The following PTPRG variants were observed in gnomAD, a reference collection of about 807,000 sequenced individuals.
PTPRG encodes the protein protein tyrosine phosphatase receptor type G.
In PTPRG, 102 loss-of-function variants were observed where a neutral mutation model predicts 165.3. The observed-to-expected ratio is 0.62, with a 90% CI of 0.53 to 0.73. The LOEUF (loss-of-function observed/expected upper bound fraction) is 0.73, where lower values mean the gene tolerates loss of function less well. PTPRG is among the 30% of genes least tolerant of loss of function. The pLI, the probability that PTPRG is intolerant of heterozygous loss-of-function variation, is 0.00. For missense variants in PTPRG, 1,866 were observed against 1,861.4 expected (o/e 1.00, Z -0.05); for synonymous variants, 675 against 669.5 (o/e 1.01, Z -0.13).
intron 8 of PTPRG, among the ~76,000 whole-genome samples, chr3:62,177,894 T>C (rs1197942059): frequency 6.6e-6 from 1 of 152,196 alleles, no homozygotes; most frequent in Non-Finnish European, 1.5e-5. Context: ...TTATGCGATA[T>C]GTGATTTTTC....
chr3:61,566,770 G>A (rs986207765), intron 1 of PTPRG, among the ~76,000 whole-genome samples: 1 of 152,198 alleles, frequency 6.6e-6, no homozygotes, highest in Non-Finnish European at 1.5e-5. Flanking sequence ...GCCTCCCAGA[G>A]TGCTGGGATT....
At chr3:61,751,995 GA>G (rs917026267) in intron 2 of PTPRG, among the ~76,000 whole-genome samples, 28 of 143,476 alleles carry the variant, frequency 2.0e-4, no homozygotes, top group Admixed American at 2.1e-4. Context: ...CTCTGTCTCA[GA>G]AAAAAAAAAA....
Position 62,267,504 on chromosome 3 carries a change from C to T in PTPRG, c.2739+12C>T, listed in dbSNP as rs1414611577. 6.3e-7 allele frequency: 1 copy of T among 1,594,102 alleles called. No individual in the cohort carries two copies. The highest frequency in any genetic ancestry group is 1.7e-5 in the Admixed American group (1 of 58,180). ...CAAACTATGTTGATGTAAGTCAGAA[C>T]TGTTATTATAAACCTGTTTCTAGAA... On this transcript the variant is annotated intron_variant, in intron 18 of 29. Transcript: ENST00000474889.
At chr3:61,618,213 A>G (rs1323807084) in intron 1 of PTPRG, among the ~76,000 whole-genome samples, 4 of 152,170 alleles carry the variant, frequency 2.6e-5, no homozygotes, top group African/African-American at 7.2e-5. Flanking sequence ...ATCCATTTGT[A>G]TTTCTGGCAA....
At chr3:61,652,351 T>C (rs1481831110) in intron 1 of PTPRG, among the ~76,000 whole-genome samples, 1 of 152,112 alleles carries the variant, frequency 6.6e-6, no homozygotes, top group Non-Finnish European at 1.5e-5. Context: ...TAAATAGTGC[T>C]CTATTCCTCA....
chr3:62,127,138 C>A (rs1328206902), intron 5 of PTPRG, among the ~76,000 whole-genome samples: 4 of 152,144 alleles, frequency 2.6e-5, no homozygotes, highest in Non-Finnish European at 5.9e-5. Flanking sequence ...TAAATTATTG[C>A]CAAGTGTTTA....
intron 1 of PTPRG, among the ~76,000 whole-genome samples, chr3:61,685,125 A>T (rs915301756): frequency 6.6e-6 from 1 of 152,142 alleles, no homozygotes; most frequent in Non-Finnish European, 1.5e-5. Flanking sequence ...TCTGGTGGTT[A>T]TGAGGATTAA....
intron 2 of PTPRG, among the ~76,000 whole-genome samples, chr3:61,862,145 C>T (rs1008281433): frequency 6.6e-5 from 10 of 152,118 alleles, no homozygotes; most frequent in African/African-American, 2.4e-4. Flanking sequence ...AGCGCGAACC[C>T]TGTTGTGAAC....
At chr3:62,145,310 C>T (rs1032350515) in intron 6 of PTPRG, among the ~76,000 whole-genome samples, 2 of 152,142 alleles carry the variant, frequency 1.3e-5, no homozygotes, top group Non-Finnish European at 1.5e-5. Context: ...CTGTACATAA[C>T]TGTGCCTGGC....
intron 1 of PTPRG, among the ~76,000 whole-genome samples, chr3:61,638,846 T>C (rs1701990659): frequency 6.6e-6 from 1 of 152,172 alleles, no homozygotes; most frequent in Non-Finnish European, 1.5e-5. Context: ...GCAAATATTG[T>C]CTCCCATTCT....
chr3:61,650,177 A>G (rs2106980229), intron 1 of PTPRG, among the ~76,000 whole-genome samples: 1 of 152,332 alleles, frequency 6.6e-6, no homozygotes, highest in African/African-American at 2.4e-5. Flanking sequence ...TGTGAAAACC[A>G]GAGCTGTACA....
At chr3:61,671,184 C>A (rs1450083111) in intron 1 of PTPRG, among the ~76,000 whole-genome samples, 5 of 142,894 alleles carry the variant, frequency 3.5e-5, no homozygotes, top group Non-Finnish European at 7.5e-5. Context: ...GTGTTTCTCG[C>A]AGAGGGGGAT....
intron 2 of PTPRG, among the ~76,000 whole-genome samples, chr3:61,896,893 C>T (rs1451902740): frequency 2.7e-5 from 4 of 150,570 alleles, no homozygotes; most frequent in East Asian, 1.9e-4. Context: ...TGTCTTCTGC[C>T]GATTCTCTTT....
rs58996307 is a variant in PTPRG at position 61,680,379 on chromosome 3, A to G, written c.86-68499A>G. Among the ~76,000 whole-genome samples, 22 of 152,096 alleles carry G rather than the reference A, an allele frequency of 1.4e-4. No individual in the cohort carries two copies. The East Asian group carries it at 4.3e-3, about 30-fold the overall frequency. On this transcript the variant is annotated intron_variant, in intron 1 of 29. Transcript: ENST00000474889. ...TGGACCTGCACCAGCATCGGCCTGC[A>G]TGAATGTGCTCCTACTCTTGCCCAG...
At chr3:61,925,914 C>T (rs1174042693) in intron 2 of PTPRG, 1 of 496,448 alleles carries the variant, frequency 2.0e-6, no homozygotes, top group East Asian at 5.6e-5. Flanking sequence ...AGGTAACCAG[C>T]AGTGTTTCCA....
intron 2 of PTPRG, among the ~76,000 whole-genome samples, chr3:61,921,923 T>TA (rs1452608671): frequency 6.6e-6 from 1 of 152,218 alleles, no homozygotes; most frequent in Admixed American, 6.5e-5. Flanking sequence ...CATGTCACCT[T>TA]ACTTGAGTTT....
intron 2 of PTPRG, among the ~76,000 whole-genome samples, chr3:61,803,744 G>A (rs934050547): frequency 1.3e-5 from 2 of 152,198 alleles, no homozygotes; most frequent in South Asian, 4.2e-4. Flanking sequence ...TAGCTTTCAG[G>A]TGCTCAAAAG....
chr3:61,840,075 T>C (rs909430010), intron 2 of PTPRG, among the ~76,000 whole-genome samples: 11 of 152,212 alleles, frequency 7.2e-5, no homozygotes, highest in Non-Finnish European at 1.5e-4. Flanking sequence ...TATATGCACA[T>C]ATATATTTAG....
intron 1 of PTPRG, among the ~76,000 whole-genome samples, chr3:61,708,090 T>C (rs964457351): frequency 6.8e-6 from 1 of 148,062 alleles, no homozygotes; most frequent in African/African-American, 2.5e-5. Context: ...CACCCAGTAG[T>C]TTTTTTTTTA....
Sources: allele counts gnomAD v4.1 joint callset (sites outside exome capture counted in the v4.1 genomes callset), GRCh38; gene constraint gnomAD v4.1.1; transcripts MANE v1.5; gene names NCBI Gene and HGNC (gene_info 2026-07-23, HGNC 2026-07-21).